The following HPSE2 variants were observed in gnomAD, a reference collection of about 807,000 sequenced individuals.
The protein encoded by HPSE2 is inactive heparanase-2.
HPSE2 carries 38 observed loss-of-function variants against 60.5 expected under a neutral mutation model. The ratio of observed to expected loss-of-function variants is 0.63; its 90% confidence interval spans 0.48 to 0.82. HPSE2 has a LOEUF of 0.82. Ranked by LOEUF, HPSE2 falls within the 40% of genes least tolerant of loss-of-function variation. The pLI, the probability that HPSE2 is intolerant of heterozygous loss-of-function variation, is 0.00. For missense variants in HPSE2, 713 were observed against 740.4 expected (o/e 0.96, Z 0.43); for synonymous variants, 295 against 293.2 (o/e 1.01, Z -0.06).
At chr10:98,494,693 G>A (rs939500622) in intron 9 of HPSE2, among the ~76,000 whole-genome samples, 12 of 152,178 alleles carry the variant, frequency 7.9e-5, no homozygotes, top group Non-Finnish European at 4.4e-5. Context: ...AATGGTTGAT[G>A]TCACAAAATT....
At chr10:99,091,217 CAGA>C (rs1423599331) in intron 3 of HPSE2, among the ~76,000 whole-genome samples, 1 of 152,114 alleles carries the variant, frequency 6.6e-6, no homozygotes, top group Non-Finnish European at 1.5e-5. Flanking sequence ...AAAAATGAAA[CAGA>C]AGCTCTAACA....
chr10:98,882,676 A>G (rs1257946832), intron 3 of HPSE2, among the ~76,000 whole-genome samples: 2 of 152,122 alleles, frequency 1.3e-5, no homozygotes, highest in African/African-American at 4.8e-5. Flanking sequence ...TCAATGAGAC[A>G]GGAAAGTATG....
At chr10:98,996,136 G>GAT (rs1956636626) in intron 3 of HPSE2, among the ~76,000 whole-genome samples, 3 of 151,998 alleles carry the variant, frequency 2.0e-5, no homozygotes, top group African/African-American at 7.3e-5. Flanking sequence ...TCTACAGATT[G>GAT]GTTAATGATA....
chr10:99,231,985 C>T (rs2133950477), intron 2 of HPSE2, among the ~76,000 whole-genome samples: 1 of 152,308 alleles, frequency 6.6e-6, no homozygotes, highest in South Asian at 2.1e-4. Context: ...TGCATCTACA[C>T]CCCGCAGGAA....
the HPSE2 span, among the ~76,000 whole-genome samples, chr10:99,252,404 A>C: frequency 2.0e-5 from 3 of 152,190 alleles, no homozygotes; most frequent in Non-Finnish European, 4.4e-5. Context: ...GGATGATATG[A>C]TTCTATTCAT....
chr10:99,313,192 CA>C, the HPSE2 span, among the ~76,000 whole-genome samples: 7 of 152,174 alleles, frequency 4.6e-5, no homozygotes, highest in African/African-American at 1.4e-4. Flanking sequence ...AATGCAAGAG[CA>C]GACTAATACA....
intron 9 of HPSE2, among the ~76,000 whole-genome samples, chr10:98,507,463 T>C (rs558874438): frequency 6.6e-6 from 1 of 152,314 alleles, no homozygotes; most frequent in Admixed American, 6.5e-5. Flanking sequence ...TTTATGATGA[T>C]TTGCTGTTAG....
chr10:98,850,156 C>T (rs969960328), intron 3 of HPSE2, among the ~76,000 whole-genome samples: 4 of 152,028 alleles, frequency 2.6e-5, no homozygotes, highest in Non-Finnish European at 4.4e-5. Flanking sequence ...TGCTAAAAAG[C>T]GCTAGTCTTA....
intron 3 of HPSE2, among the ~76,000 whole-genome samples, chr10:98,997,675 A>C (rs939614307): frequency 3.3e-5 from 5 of 152,246 alleles, no homozygotes; most frequent in African/African-American, 1.2e-4. Context: ...GTGTTTTACA[A>C]ACCTTCAAAA....
chr10:99,101,134 T>A (rs1405006101), intron 3 of HPSE2, among the ~76,000 whole-genome samples: 3 of 152,160 alleles, frequency 2.0e-5, no homozygotes, highest in East Asian at 1.9e-4. Context: ...ATTCATACAT[T>A]ACAATATTAA....
chr10:98,865,159 A>G (rs1191241268), intron 3 of HPSE2, among the ~76,000 whole-genome samples: 1 of 152,124 alleles, frequency 6.6e-6, no homozygotes, highest in African/African-American at 2.4e-5. Context: ...AAATTAAATT[A>G]TAGCTGAGAA....
At chr10:98,481,631 A>G (rs1204519669) in intron 11 of HPSE2, among the ~76,000 whole-genome samples, 2 of 152,230 alleles carry the variant, frequency 1.3e-5, no homozygotes, top group Non-Finnish European at 2.9e-5. Flanking sequence ...GTCACTCAAT[A>G]AGTGACTTCC....
chr10:99,050,971 G>GTA (rs1407371981), intron 3 of HPSE2, among the ~76,000 whole-genome samples: 1 of 151,938 alleles, frequency 6.6e-6, no homozygotes, highest in Non-Finnish European at 1.5e-5. Context: ...GTGTGTGTGT[G>GTA]TATGGAAAAA....
At chr10:99,190,692 C>T (rs1848190502) in intron 2 of HPSE2, among the ~76,000 whole-genome samples, 1 of 152,168 alleles carries the variant, frequency 6.6e-6, no homozygotes, top group Non-Finnish European at 1.5e-5. Flanking sequence ...CGCCCTTCCG[C>T]CACCCATCCC....
chr10:99,058,104 T>C (rs1296195542), intron 3 of HPSE2, among the ~76,000 whole-genome samples: 2 of 152,080 alleles, frequency 1.3e-5, no homozygotes, highest in Non-Finnish European at 2.9e-5. Context: ...TGGAGAAGCA[T>C]GACAAATGGG....
At chr10:99,232,288 C>G (rs1849679595) in intron 2 of HPSE2, 60 bp downstream of exon 2, 2 of 1,529,780 alleles carry the variant, frequency 1.3e-6, no homozygotes, top group Admixed American at 3.9e-5. Flanking sequence ...CACAGATACA[C>G]AAACACAGCG....
At chr10:98,574,842 A>C (rs1944599240) in intron 9 of HPSE2, among the ~76,000 whole-genome samples, 1 of 152,204 alleles carries the variant, frequency 6.6e-6, no homozygotes, top group South Asian at 2.1e-4. Context: ...GAACTACACT[A>C]TCCAGGACCC....
At chr10:98,754,167 G>A (rs944184114) in intron 3 of HPSE2, among the ~76,000 whole-genome samples, 4 of 152,128 alleles carry the variant, frequency 2.6e-5, no homozygotes, top group Non-Finnish European at 5.9e-5. Context: ...GAACCAAACT[G>A]ATCTGATAGA....
At chr10:99,111,466 G>A (rs12266070) in intron 3 of HPSE2, among the ~76,000 whole-genome samples, 20,249 of 152,128 alleles carry the variant, frequency 0.13, 1,897 homozygotes, top group African/African-American at 0.26. Context: ...AGAAGGCAGA[G>A]GGCTGAGACC....
Sources: gnomAD v4.1 joint callset for allele counts (sites outside exome capture counted in the v4.1 genomes callset) on GRCh38, gnomAD v4.1.1 for gene constraint, MANE v1.5 for transcripts, NCBI Gene and HGNC (gene_info 2026-07-23, HGNC 2026-07-21) for gene names.